ARID1B: variants seen among roughly 807,000 people sequenced by gnomAD.
The protein encoded by ARID1B is AT-rich interactive domain-containing protein 1B.
A neutral mutation model predicts 212.3 loss-of-function variants in ARID1B; 30 were observed. The observed-to-expected ratio is 0.14, with a 90% CI of 0.11 to 0.19. The LOEUF is 0.19. Among genes scored for constraint, ARID1B ranks in the 10% least tolerant of loss-of-function variants. The probability of loss-of-function intolerance (pLI) is 1.00; values close to 1 mark genes in which losing one functional copy is unlikely to be tolerated. For missense variants in ARID1B, 2,891 were observed against 3,204.0 expected, an observed-to-expected ratio of 0.90 and a Z score of 2.36; for synonymous variants, 1,402 against 1,301.7, an observed-to-expected ratio of 1.08 and a Z score of -1.66.
chr6:157,015,186 T>G (rs764893366), intron 4 of ARID1B, among the ~76,000 whole-genome samples: 4 of 152,044 alleles, frequency 2.6e-5, no homozygotes, highest in Non-Finnish European at 4.4e-5. Flanking sequence ...CTGATGGAGA[T>G]ATAAAGAAAC....
At chr6:157,180,946 C>T (rs2128316418) in intron 11 of ARID1B, 23 bp from the exon 12 acceptor site, 1 of 1,603,336 alleles carries the variant, frequency 6.2e-7, no homozygotes, top group Non-Finnish European at 8.5e-7. Context: ...GCCCCACCTC[C>T]ACATGCTGCT....
At chr6:157,139,824 G>GCAATTTT (rs1267404076) in intron 7 of ARID1B, among the ~76,000 whole-genome samples, 5 of 151,660 alleles carry the variant, frequency 3.3e-5, no homozygotes, top group African/African-American at 1.2e-4. Context: ...CTGGGTTCAA[G>GCAATTTT]CAATTTTCCT....
At chr6:156,976,055 A>G (rs1377977295) in intron 4 of ARID1B, among the ~76,000 whole-genome samples, 1 of 152,078 alleles carries the variant, frequency 6.6e-6, no homozygotes, top group African/African-American at 2.4e-5. Flanking sequence ...GGAATATCAT[A>G]AAGTACATAA....
At chr6:157,199,932 G>T (rs1391911430) in intron 17 of ARID1B, among the ~76,000 whole-genome samples, 1 of 152,202 alleles carries the variant, frequency 6.6e-6, no homozygotes, top group Non-Finnish European at 1.5e-5. Context: ...CTCCCAAAGT[G>T]CTGGGATTAC....
At chr6:156,895,682 G>A (rs1788320521) in intron 2 of ARID1B, among the ~76,000 whole-genome samples, 2 of 151,788 alleles carry the variant, frequency 1.3e-5, no homozygotes, top group South Asian at 2.1e-4. Flanking sequence ...AAGTACAGAA[G>A]CAAATATAAC....
chr6:157,044,744 T>C (rs1014488795), intron 4 of ARID1B, among the ~76,000 whole-genome samples: 3 of 151,792 alleles, frequency 2.0e-5, no homozygotes, highest in Non-Finnish European at 4.4e-5. Flanking sequence ...CCACCAGCCA[T>C]GTGTGGCTAT....
intron 13 of ARID1B, chr6:157,186,349 T>A (rs1310165371): frequency 4.5e-6 from 2 of 445,998 alleles, no homozygotes; most frequent in South Asian, 3.2e-5. Context: ...TATACATTCT[T>A]CTCAGTAGTC....
intron 4 of ARID1B, among the ~76,000 whole-genome samples, chr6:156,946,653 T>C (rs910997795): frequency 2.0e-5 from 3 of 149,724 alleles, no homozygotes; most frequent in African/African-American, 7.3e-5. Context: ...GCTGTGAAAT[T>C]GTGGTGGCAG....
intron 4 of ARID1B, among the ~76,000 whole-genome samples, chr6:156,963,579 G>C (rs909394811): frequency 1.1e-4 from 17 of 152,060 alleles, no homozygotes; most frequent in Non-Finnish European, 1.5e-5. Context: ...TAATTTAGTT[G>C]TCTTTTTTGT....
chr6:156,991,277 C>T (rs183841317), intron 4 of ARID1B, among the ~76,000 whole-genome samples: 1 of 152,326 alleles, frequency 6.6e-6, no homozygotes, highest in Non-Finnish European at 1.5e-5. Context: ...GTCGCCCAAG[C>T]TGGAGTGCAA....
intron 4 of ARID1B, among the ~76,000 whole-genome samples, chr6:157,003,620 C>T (rs1779029485): frequency 6.6e-6 from 1 of 152,104 alleles, no homozygotes; most frequent in Admixed American, 6.5e-5. Flanking sequence ...TTGTTTCATC[C>T]TCAAAAGGGA....
At chr6:156,845,939 G>A (rs1784199272) in intron 2 of ARID1B, among the ~76,000 whole-genome samples, 1 of 151,776 alleles carries the variant, frequency 6.6e-6, no homozygotes, top group South Asian at 2.1e-4. Flanking sequence ...GCAGATGTTT[G>A]TTCTGTTTTT....
At chr6:156,863,428 C>T (rs1785471567) in intron 2 of ARID1B, among the ~76,000 whole-genome samples, 1 of 152,104 alleles carries the variant, frequency 6.6e-6, no homozygotes, top group Non-Finnish European at 1.5e-5. Context: ...ATGGATCTCT[C>T]AGCCAAGAGC....
At chr6:157,060,860 C>A (rs565115754) in intron 4 of ARID1B, among the ~76,000 whole-genome samples, 3 of 152,140 alleles carry the variant, frequency 2.0e-5, no homozygotes, top group African/African-American at 7.2e-5. Flanking sequence ...TTGTCCACAC[C>A]AAGGTTAATT....
chr6:157,160,333 C>T (rs1263586262), intron 8 of ARID1B, among the ~76,000 whole-genome samples: 1 of 152,236 alleles, frequency 6.6e-6, no homozygotes, highest in African/African-American at 2.4e-5. Flanking sequence ...ATTTCAGTGA[C>T]TGCTCCATTA....
intron 13 of ARID1B, 156 bp downstream of exon 13, chr6:157,184,591 C>T (rs1302728653): frequency 8.4e-6 from 7 of 830,864 alleles, no homozygotes; most frequent in East Asian, 5.3e-5. Flanking sequence ...ATTGGACGCC[C>T]ACTGGCAGTG....
rs772107512 is a variant in ARID1B at position 157,133,165 on chromosome 6, A to C, written c.2719A>C (p.Ser907Arg). The C allele has an allele frequency of 6.2e-7, 1 of 1,613,970 alleles. No individual in the cohort carries two copies. The highest frequency in any genetic ancestry group is 8.5e-7 in the Non-Finnish European group (1 of 1,179,948). ...CAGTAGCTTTCAGCAGAGTAACTCA[A>C]GTGGGACTTACGGTCCACAGATGAG... is the stretch of plus-strand genomic sequence containing the variant. ...GISSFQQSNS[S>R]GTYGPQMSQY... Residue 907 changes from serine to arginine, a missense_variant, in exon 7 of 20, where the codon AGT becomes CGT. By Grantham distance (110) the Ser-to-Arg change is moderately radical. Coordinates refer to ENST00000636930, the MANE Select transcript of ARID1B (RefSeq NM_001374828.1).
intron 2 of ARID1B, among the ~76,000 whole-genome samples, chr6:156,876,044 C>G (rs933087536): frequency 6.6e-6 from 1 of 151,286 alleles, no homozygotes; most frequent in Non-Finnish European, 1.5e-5. Context: ...TAAAATTTGT[C>G]TGCATACACT....
chr6:156,840,668 A>T (rs887444121), intron 2 of ARID1B, among the ~76,000 whole-genome samples: 3 of 152,240 alleles, frequency 2.0e-5, no homozygotes, highest in Non-Finnish European at 4.4e-5. Context: ...CTCTGAGAAC[A>T]AAGCCTGCAG....
Sources: allele counts gnomAD v4.1 joint callset (sites outside exome capture counted in the v4.1 genomes callset), GRCh38; gene constraint gnomAD v4.1.1; transcripts MANE v1.5; gene names NCBI Gene and HGNC (gene_info 2026-07-23, HGNC 2026-07-21).